Variants in GALNT13 observed in about 807,000 individuals in gnomAD.
The protein encoded by GALNT13 is UDP-GalNAc:polypeptide N-acetylgalactosaminyltransferase 13.
In GALNT13, 28 loss-of-function variants were observed where a neutral mutation model predicts 64.2. The ratio of observed to expected loss-of-function variants is 0.44; its 90% confidence interval spans 0.32 to 0.60. The LOEUF is 0.60. Ranked by LOEUF, GALNT13 falls within the 20% of genes least tolerant of loss-of-function variation. The pLI, the probability that GALNT13 is intolerant of heterozygous loss-of-function variation, is 0.05. For missense variants in GALNT13, 577 were observed against 669.8 expected (o/e 0.86, Z 1.53); for synonymous variants, 214 against 224.6 (o/e 0.95, Z 0.42).
the GALNT13 span, among the ~76,000 whole-genome samples, chr2:153,382,884 A>T: frequency 6.6e-6 from 1 of 152,138 alleles, no homozygotes; most frequent in Non-Finnish European, 1.5e-5. Context: ...GAAGTATAAT[A>T]GATTATTAAT....
chr2:153,405,621 TG>T, the GALNT13 span, among the ~76,000 whole-genome samples: 36 of 152,234 alleles, frequency 2.4e-4, no homozygotes, highest in African/African-American at 8.2e-4. Flanking sequence ...GTACTAAGGG[TG>T]ACCAGAAATG....
chr2:154,344,215 A>C (rs1053698999), intron 9 of GALNT13, among the ~76,000 whole-genome samples: 3 of 152,050 alleles, frequency 2.0e-5, no homozygotes, highest in Non-Finnish European at 4.4e-5. Flanking sequence ...CATAGTAGGC[A>C]TTTACTAAAT....
chr2:153,235,103 CAT>C, the GALNT13 span, among the ~76,000 whole-genome samples: 35 of 152,194 alleles, frequency 2.3e-4, no homozygotes, highest in African/African-American at 7.0e-4. Flanking sequence ...AATTAATAAA[CAT>C]GTGTGTGTTT....
the GALNT13 span, among the ~76,000 whole-genome samples, chr2:153,105,172 C>G: frequency 6.6e-6 from 1 of 151,464 alleles, no homozygotes; most frequent in African/African-American, 2.4e-5. Context: ...AGCTTATCCA[C>G]CATGATCAAG....
chr2:153,087,820 T>A, the GALNT13 span, among the ~76,000 whole-genome samples: 12 of 152,262 alleles, frequency 7.9e-5, no homozygotes, highest in African/African-American at 2.9e-4. Flanking sequence ...TAATGTTTCT[T>A]GTTTCATGTC....
the GALNT13 span, among the ~76,000 whole-genome samples, chr2:153,305,355 T>C: frequency 7.9e-5 from 12 of 152,152 alleles, no homozygotes; most frequent in Non-Finnish European, 1.5e-5. Flanking sequence ...ATCAAACCCC[T>C]TCAGATTTAC....
chr2:153,231,672 T>C, the GALNT13 span, among the ~76,000 whole-genome samples: 1 of 152,194 alleles, frequency 6.6e-6, no homozygotes, highest in African/African-American at 2.4e-5. Context: ...ATTTTTTTCT[T>C]ATTTATTATT....
chr2:153,606,170 T>G, the GALNT13 span, among the ~76,000 whole-genome samples: 1 of 152,162 alleles, frequency 6.6e-6, no homozygotes, highest in Non-Finnish European at 1.5e-5. Context: ...TAGATATATT[T>G]GTATGTGTGT....
chr2:153,142,043 G>A, the GALNT13 span, among the ~76,000 whole-genome samples: 12 of 152,010 alleles, frequency 7.9e-5, no homozygotes, highest in Non-Finnish European at 1.5e-4. Flanking sequence ...ATCATGAAGC[G>A]TTATTTTTGC....
chr2:153,849,726 T>A, the GALNT13 span, among the ~76,000 whole-genome samples: 2 of 151,902 alleles, frequency 1.3e-5, no homozygotes, highest in Non-Finnish European at 2.9e-5. Flanking sequence ...GGCATGGTGG[T>A]ACAGTTTGAA....
the GALNT13 span, among the ~76,000 whole-genome samples, chr2:153,496,993 C>CAAAAAAAAAAAAAAAAA: frequency 8.8e-5 from 8 of 90,866 alleles, no homozygotes; most frequent in Non-Finnish European, 1.6e-4. Flanking sequence ...GATTTTGTCT[C>CAAAAAAAAAAAAAAAAA]AAAAAAAAAA....
chr2:154,331,979 T>A (rs970689533), intron 9 of GALNT13, among the ~76,000 whole-genome samples: 2 of 152,132 alleles, frequency 1.3e-5, no homozygotes, highest in African/African-American at 4.8e-5. Context: ...TGAATAGCAA[T>A]GTGCTGTCTC....
At chr2:154,230,126 A>G (rs894280805) in intron 4 of GALNT13, among the ~76,000 whole-genome samples, 9 of 152,106 alleles carry the variant, frequency 5.9e-5, no homozygotes, top group African/African-American at 1.9e-4. Flanking sequence ...TCAGAGAGGT[A>G]AAAAACATGA....
chr2:153,976,871 T>C (rs1694109002), intron 3 of GALNT13, among the ~76,000 whole-genome samples: 1 of 152,068 alleles, frequency 6.6e-6, no homozygotes, highest in Non-Finnish European at 1.5e-5. Context: ...TTGATATGGG[T>C]ATGCATTTAA....
intron 3 of GALNT13, among the ~76,000 whole-genome samples, chr2:154,014,204 C>T (rs577637161): frequency 2.7e-4 from 41 of 152,278 alleles, no homozygotes; most frequent in Admixed American, 2.4e-3. Flanking sequence ...GCCATTCCCC[C>T]GACAAACCTT....
intron 4 of GALNT13, among the ~76,000 whole-genome samples, chr2:154,150,697 A>T (rs1453705397): frequency 6.6e-6 from 1 of 151,972 alleles, no homozygotes; most frequent in Non-Finnish European, 1.5e-5. Context: ...TTTCTTCTAG[A>T]TTTTCTAGTT....
intron 4 of GALNT13, among the ~76,000 whole-genome samples, chr2:154,198,491 ATAGT>A (rs1334575280): frequency 6.6e-6 from 1 of 151,988 alleles, no homozygotes; most frequent in Admixed American, 6.6e-5. Context: ...TGTGTTTTCA[ATAGT>A]TAAAGTAAGT....
chr2:153,651,431 A>G, the GALNT13 span, among the ~76,000 whole-genome samples: 39 of 152,224 alleles, frequency 2.6e-4, 2 homozygotes, highest in Admixed American at 2.0e-3. Context: ...AAATAGCTCA[A>G]TGGCTTGGGG....
At chr2:153,313,862 ATGTT>A in the GALNT13 span, among the ~76,000 whole-genome samples, 4 of 152,138 alleles carry the variant, frequency 2.6e-5, no homozygotes, top group East Asian at 1.9e-4. Flanking sequence ...GAGGCTTAAA[ATGTT>A]TGTTTGGCTA....
Sources: gnomAD v4.1 joint callset for allele counts (sites outside exome capture counted in the v4.1 genomes callset) on GRCh38, gnomAD v4.1.1 for gene constraint, MANE v1.5 for transcripts, NCBI Gene and HGNC (gene_info 2026-07-23, HGNC 2026-07-21) for gene names.